The following HOMER2 variants were observed in gnomAD, a reference collection of about 807,000 sequenced individuals.
HOMER2 encodes homer scaffold protein 2, also known as homer protein homolog 2.
Under a neutral mutation model 47.0 loss-of-function variants are expected in HOMER2, and 27 were observed. The ratio of observed to expected loss-of-function variants is 0.57; its 90% CI spans 0.42 to 0.79. The LOEUF (loss-of-function observed/expected upper bound fraction) is 0.79, where lower values mean the gene tolerates loss of function less well. HOMER2 is among the 30% of genes least tolerant of loss of function. The pLI, the probability that HOMER2 is intolerant of heterozygous loss-of-function variation, is 0.00. For missense variants in HOMER2, 443 were observed against 435.0 expected, an observed-to-expected ratio of 1.02 and a Z score of -0.16; for synonymous variants, 161 against 163.8, an observed-to-expected ratio of 0.98 and a Z score of 0.13.
At chr15:82,861,772 C>T (rs1347186509) in intron 4 of HOMER2, among the ~76,000 whole-genome samples, 1 of 152,030 alleles carries the variant, frequency 6.6e-6, no homozygotes, top group Non-Finnish European at 1.5e-5. Context: ...TATGGGAGGC[C>T]GAGGCAGGCA....
At chr15:82,935,975 T>C (rs1032546732) in intron 1 of HOMER2, among the ~76,000 whole-genome samples, 1 of 152,244 alleles carries the variant, frequency 6.6e-6, no homozygotes, top group African/African-American at 2.4e-5. Flanking sequence ...TTCACTTTTA[T>C]TGAATCATAC....
intron 1 of HOMER2, among the ~76,000 whole-genome samples, chr15:82,938,174 C>A (rs920876792): frequency 6.6e-6 from 1 of 152,146 alleles, no homozygotes; most frequent in Non-Finnish European, 1.5e-5. Flanking sequence ...GAGTTTGAGA[C>A]CAGCCTGGCC....
At chr15:82,916,918 C>T (rs1032417298) in intron 1 of HOMER2, among the ~76,000 whole-genome samples, 6 of 152,158 alleles carry the variant, frequency 3.9e-5, no homozygotes, top group African/African-American at 1.4e-4. Context: ...TATCCTGCCT[C>T]AACCTCCCGA....
intron 8 of HOMER2, 128 bp from the exon 9 acceptor site, chr15:82,850,031 G>A: frequency 1.2e-6 from 1 of 867,436 alleles, no homozygotes; most frequent in Non-Finnish European, 1.8e-6. Flanking sequence ...AAGCTGCCTA[G>A]AGACATGCTA....
At chr15:82,847,716 A>G (rs1005136423), downstream of HOMER2, among the ~76,000 whole-genome samples, 1 of 152,254 alleles carries the variant, frequency 6.6e-6, no homozygotes, top group African/African-American at 2.4e-5. Flanking sequence ...GGCAGAGGTC[A>G]TCTGAAGACC....
chr15:82,853,203 T>A (rs1029214295), intron 6 of HOMER2, among the ~76,000 whole-genome samples: 1 of 152,194 alleles, frequency 6.6e-6, no homozygotes, highest in African/African-American at 2.4e-5. Flanking sequence ...AGATGTCGAC[T>A]CAGGGAGGTC....
chr15:82,850,911 G>A (rs1325276932), intron 8 of HOMER2, among the ~76,000 whole-genome samples: 1 of 152,250 alleles, frequency 6.6e-6, no homozygotes, highest in Non-Finnish European at 1.5e-5. Flanking sequence ...CTACACTGTG[G>A]TGATGCACAG....
upstream of HOMER2, among the ~76,000 whole-genome samples, chr15:82,955,449 G>A (rs113644779): frequency 1.3e-5 from 2 of 152,252 alleles, no homozygotes; most frequent in African/African-American, 2.4e-5. Context: ...GATTATAGGC[G>A]TGAGCCACCA....
chr15:82,904,179 C>T (rs1369462578), intron 1 of HOMER2, among the ~76,000 whole-genome samples: 1 of 152,122 alleles, frequency 6.6e-6, no homozygotes, highest in Non-Finnish European at 1.5e-5. Flanking sequence ...ACCTCTTCTC[C>T]GCTCTGTCAC....
chr15:82,835,789 A>G (rs2051119839), downstream of HOMER2: 1 of 152,280 alleles, frequency 6.6e-6, no homozygotes, highest in African/African-American at 2.4e-5. Flanking sequence ...GATCCCAGAG[A>G]CAGGTCCAGT....
intron 1 of HOMER2, among the ~76,000 whole-genome samples, chr15:82,979,885 A>G (rs1359663025): frequency 1.3e-5 from 2 of 152,124 alleles, no homozygotes; most frequent in African/African-American, 4.8e-5. Context: ...AGGAGTATTT[A>G]TGAGTCTAGA....
intron 1 of HOMER2, among the ~76,000 whole-genome samples, chr15:82,925,292 TG>T (rs975969592): frequency 4.0e-4 from 61 of 152,304 alleles, no homozygotes; most frequent in African/African-American, 1.4e-3. Context: ...CAACCAGCCA[TG>T]GGGTCAGTAA....
At chr15:82,915,390 G>C (rs1435453059) in intron 1 of HOMER2, among the ~76,000 whole-genome samples, 1 of 152,080 alleles carries the variant, frequency 6.6e-6, no homozygotes, top group Non-Finnish European at 1.5e-5. Context: ...AATTCACTGG[G>C]AGGCAATTTA....
intron 3 of HOMER2, among the ~76,000 whole-genome samples, chr15:82,870,804 AATGCCATGCACGTATCGGGGTTTG>A (rs1436559331): frequency 6.6e-6 from 1 of 152,204 alleles, no homozygotes; most frequent in Non-Finnish European, 1.5e-5. Flanking sequence ...GTCAAAAGCA[AATGCCATGCACGTATCGGGGTTTG>A]GCCAGATCAA....
intron 3 of HOMER2, among the ~76,000 whole-genome samples, chr15:82,874,363 T>TAC (rs2052275812): frequency 1.3e-5 from 2 of 152,226 alleles, no homozygotes; most frequent in African/African-American, 4.8e-5. Context: ...TAGTCAGTCT[T>TAC]ACCTTAAACC....
At chr15:82,868,842 C>A (rs933313600) in intron 3 of HOMER2, among the ~76,000 whole-genome samples, 2 of 128,828 alleles carry the variant, frequency 1.6e-5, no homozygotes, top group Non-Finnish European at 3.4e-5. Flanking sequence ...TGAGCCACTG[C>A]GCTCAGCTAT....
intron 1 of HOMER2, among the ~76,000 whole-genome samples, chr15:82,943,689 G>T (rs990766381): frequency 6.6e-6 from 1 of 152,284 alleles, no homozygotes; most frequent in East Asian, 1.9e-4. Context: ...TGTGGATACC[G>T]CCCACCCCAT....
At chr15:82,945,140 TC>T (rs1196969939) in intron 1 of HOMER2, among the ~76,000 whole-genome samples, 1 of 151,934 alleles carries the variant, frequency 6.6e-6, no homozygotes, top group Non-Finnish European at 1.5e-5. Flanking sequence ...TTAATTGTGA[TC>T]TTGGTCTCCT....
intron 2 of HOMER2, among the ~76,000 whole-genome samples, chr15:82,879,797 T>C (rs762167235): frequency 1.3e-5 from 2 of 152,198 alleles, no homozygotes; most frequent in Non-Finnish European, 2.9e-5. Flanking sequence ...AAAAGATTTC[T>C]CTGTAGCATG....
Sources: gnomAD v4.1 joint callset for allele counts (sites outside exome capture counted in the v4.1 genomes callset) on GRCh38, gnomAD v4.1.1 for gene constraint, MANE v1.5 for transcripts, NCBI Gene and HGNC (gene_info 2026-07-23, HGNC 2026-07-21) for gene names.